The following SATL1 variants were observed in gnomAD, a reference collection of about 807,000 sequenced individuals.
The protein encoded by SATL1 is spermidine/spermine N1-acetyl transferase like 1, also known as spermidine/spermine N(1)-acetyltransferase-like protein 1.
Under a neutral mutation model 51.8 loss-of-function variants are expected in SATL1, and 47 were observed. That is an observed-to-expected ratio of 0.91 (90% CI 0.72 to 1.16). The LOEUF (loss-of-function observed/expected upper bound fraction) is 1.16, where lower values mean the gene tolerates loss of function less well. SATL1 is among the 50% of genes most tolerant of loss of function. SATL1 has a pLI of 0.00. For synonymous variants in SATL1, 176 were observed against 182.4 expected (o/e 0.97, Z 0.28); for missense variants, 520 against 526.4 (o/e 0.99, Z 0.12).
chrX:85,186,306 G>A (rs1337972345), intron 2 of SATL1, among the ~76,000 whole-genome samples: 1 of 108,367 alleles, frequency 9.2e-6, no homozygotes, highest in Non-Finnish European at 1.9e-5. Context: ...GCTGCCTGGT[G>A]TTGGGGAAGG....
At chrX:85,131,615 G>T (rs1158440537) in intron 2 of SATL1, among the ~76,000 whole-genome samples, 1 of 111,462 alleles carries the variant, frequency 9.0e-6, no homozygotes, top group Non-Finnish European at 1.9e-5. Flanking sequence ...TTGCCAGTCT[G>T]TGTCTTTTAA....
chrX:85,231,899 G>A (rs1928388858), intron 1 of SATL1, among the ~76,000 whole-genome samples: 1 of 110,286 alleles, frequency 9.1e-6, no homozygotes, highest in South Asian at 3.9e-4. Context: ...CTGCTGTGCT[G>A]GGCTCAGAGT....
chrX:85,107,604 G>A lies in SATL1; in HGVS notation c.1365C>T (p.Gly455=). 1.6e-6 allele frequency: 2 copies of A among 1,212,260 alleles called. No homozygotes were observed. Among genetic ancestry groups the A allele is most frequent in the Non-Finnish European group, 2.2e-6 (2 of 895,623 alleles). Residue 455 remains glycine (G), a synonymous_variant, in exon 3 of 8, where the codon GGC becomes GGT. Transcript: ENST00000644105. ...ATTGGCTAGTGCCTGGTTGTCTCAT[G>A]CCTAGTTGGCTGGGGACTTGCTGGC... ...GMSQQVPSQL[G]MRQPGTSQSS... is the part of the protein sequence containing the mutation.
chrX:85,156,868 T>TAA lies in SATL1; in HGVS notation c.-312-47590_-312-47589dup, dbSNP rs1242997143. Among the ~76,000 whole-genome samples the TAA allele has an allele frequency of 6.5e-4, 46 of 70,639 alleles. 1 individual carries two copies. The highest frequency in any genetic ancestry group is 2.7e-3 in the African/African-American group (41 of 15,077). The allele number at this position is 70,639 out of a possible 115,157, so 61.3% of individuals were successfully genotyped here. On this transcript the variant is annotated intron_variant, in intron 2 of 7. Coordinates refer to ENST00000644105, the MANE Select transcript of SATL1 (RefSeq NM_001367857.2). ...ATATATATATATATATATATATATA[T>TAA]AAAATATGTAAATCTCTTCTCATCC...
chrX:85,199,322 C>T (rs1169290627), intron 2 of SATL1, among the ~76,000 whole-genome samples: 1 of 111,388 alleles, frequency 9.0e-6, no homozygotes, highest in Non-Finnish European at 1.9e-5. Flanking sequence ...CCCTCATACA[C>T]TGTTGGTGGG....
chrX:85,160,944 C>T (rs1449522377), intron 2 of SATL1, among the ~76,000 whole-genome samples: 2 of 111,649 alleles, frequency 1.8e-5, no homozygotes, highest in African/African-American at 6.5e-5. Context: ...AGGCCACGTA[C>T]ATCAGACTAA....
intron 1 of SATL1, among the ~76,000 whole-genome samples, chrX:85,233,857 G>GAT (rs2147766787): frequency 9.0e-6 from 1 of 111,660 alleles, no homozygotes; most frequent in African/African-American, 3.2e-5. Context: ...CAGAAAGATA[G>GAT]AGATCAGGAT....
chrX:85,169,426 A>T (rs1471360103), intron 2 of SATL1, among the ~76,000 whole-genome samples: 1 of 111,796 alleles, frequency 8.9e-6, no homozygotes, highest in African/African-American at 3.2e-5. Context: ...TTTACAAGAA[A>T]AAAAAACAAG....
At chrX:85,114,702 C>T (rs184186280) in intron 2 of SATL1, among the ~76,000 whole-genome samples, 57 of 112,006 alleles carry the variant, frequency 5.1e-4, no homozygotes, top group African/African-American at 1.5e-3. Flanking sequence ...AACTTTGAAA[C>T]GCATACCAAT....
At chrX:85,164,191 A>T (rs1302160923) in intron 2 of SATL1, among the ~76,000 whole-genome samples, 2 of 111,862 alleles carry the variant, frequency 1.8e-5, no homozygotes, top group African/African-American at 6.5e-5. Context: ...GTGGATTTTT[A>T]TCCATTCTGT....
chrX:85,203,925 G>A (rs1296267067), intron 2 of SATL1, among the ~76,000 whole-genome samples: 6 of 112,086 alleles, frequency 5.4e-5, no homozygotes, highest in Admixed American at 3.8e-4. Flanking sequence ...TTTTTCCTAG[G>A]AGTATGTACA....
chrX:85,142,033 A>C (rs1187481881), intron 2 of SATL1, among the ~76,000 whole-genome samples: 2 of 102,685 alleles, frequency 1.9e-5, no homozygotes, highest in East Asian at 6.6e-4. Flanking sequence ...TTACTTTGGC[A>C]CCAACCTAAT....
intron 2 of SATL1, among the ~76,000 whole-genome samples, chrX:85,204,105 G>A (rs1414225226): frequency 9.0e-6 from 1 of 111,685 alleles, no homozygotes; most frequent in Non-Finnish European, 1.9e-5. Context: ...GGGTTTGCAA[G>A]GAGATCTCCT....
intron 2 of SATL1, among the ~76,000 whole-genome samples, chrX:85,141,969 T>C (rs968663897): frequency 1.2e-4 from 13 of 104,798 alleles, no homozygotes; most frequent in African/African-American, 4.5e-4. Flanking sequence ...TAATATTAGG[T>C]TGGTGCCAAA....
intron 4 of SATL1, among the ~76,000 whole-genome samples, chrX:85,096,792 C>T (rs1031856113): frequency 4.6e-5 from 5 of 108,479 alleles, no homozygotes; most frequent in African/African-American, 1.3e-4. Context: ...AATTTTATAT[C>T]CACCAAAACT....
At chrX:85,123,798 C>T (rs1311683151) in intron 2 of SATL1, among the ~76,000 whole-genome samples, 1 of 111,369 alleles carries the variant, frequency 9.0e-6, no homozygotes, top group Non-Finnish European at 1.9e-5. Flanking sequence ...CTCCTGGTTT[C>T]CCTGTCATAG....
intron 2 of SATL1, among the ~76,000 whole-genome samples, chrX:85,138,560 C>A (rs1443351819): frequency 8.9e-6 from 1 of 111,799 alleles, no homozygotes; most frequent in Non-Finnish European, 1.9e-5. Context: ...AGCAATTTGT[C>A]AATCACCATT....
In SATL1 at chrX:85,188,152, A is replaced by T. The variant is rs181638350; in HGVS notation, c.-313+36053T>A. On this transcript the variant is annotated intron_variant, in intron 2 of 7. Coordinates refer to ENST00000644105, the MANE Select transcript of SATL1 (RefSeq NM_001367857.2). ...TTGCATGCAAAGAAATGCTGTACAT[A>T]AAAAGATAATTGGCCATAGCATACA... 2.9e-3 allele frequency among the ~76,000 whole-genome samples: 320 copies of T among 112,075 alleles called. 1 individual carries two copies. The highest frequency in any genetic ancestry group is 1.0e-2 in the African/African-American group (309 of 30,941).
chrX:85,181,097 A>ATGTGTGTG (rs56714701), intron 2 of SATL1, among the ~76,000 whole-genome samples: 6 of 102,673 alleles, frequency 5.8e-5, no homozygotes, highest in African/African-American at 2.1e-4. Flanking sequence ...GCTGAATGTA[A>ATGTGTGTG]TGTGTGTGTG....
Sources: gnomAD v4.1 joint callset for allele counts (sites outside exome capture counted in the v4.1 genomes callset) on GRCh38, gnomAD v4.1.1 for gene constraint, MANE v1.5 for transcripts, NCBI Gene and HGNC (gene_info 2026-07-23, HGNC 2026-07-21) for gene names.